The following DLGAP1 variants were observed in gnomAD, a reference collection of about 807,000 sequenced individuals.
DLGAP1 encodes DLG associated protein 1.
DLGAP1 carries 11 observed loss-of-function variants against 90.8 expected under a neutral mutation model. The ratio of observed to expected loss-of-function variants is 0.12; its 90% confidence interval spans 0.08 to 0.20. The LOEUF (loss-of-function observed/expected upper bound fraction) is 0.20, where lower values mean the gene tolerates loss of function less well. DLGAP1 is among the 10% of genes least tolerant of loss of function. The pLI is 1.00. For synonymous variants in DLGAP1, 558 were observed against 540.7 expected, an observed-to-expected ratio of 1.03 and a Z score of -0.44; for missense variants, 1,050 against 1,333.8, an observed-to-expected ratio of 0.79 and a Z score of 3.31.
chr18:3,623,019 G>C (rs1158701475), intron 7 of DLGAP1, among the ~76,000 whole-genome samples: 2 of 151,958 alleles, frequency 1.3e-5, no homozygotes, highest in African/African-American at 4.8e-5. Context: ...TGGCCAGGCT[G>C]GTCTTGAACT....
At chr18:4,363,704 A>T (rs1201140355) in intron 1 of DLGAP1, among the ~76,000 whole-genome samples, 1 of 152,202 alleles carries the variant, frequency 6.6e-6, no homozygotes, top group Admixed American at 6.5e-5. Flanking sequence ...AACCACAATG[A>T]GATACCATCT....
chr18:4,390,200 C>G (rs1315352284), intron 1 of DLGAP1, among the ~76,000 whole-genome samples: 3 of 149,688 alleles, frequency 2.0e-5, no homozygotes, highest in African/African-American at 7.3e-5. Flanking sequence ...CCCCTTTTTT[C>G]TTAATTAATA....
intron 10 of DLGAP1, among the ~76,000 whole-genome samples, chr18:3,523,218 A>G (rs1437389307): frequency 6.6e-6 from 1 of 151,822 alleles, no homozygotes; most frequent in Non-Finnish European, 1.5e-5. Context: ...ACTAAAAAAT[A>G]CAAAAAAATT....
chr18:3,954,232 A>C (rs11081078), intron 3 of DLGAP1, among the ~76,000 whole-genome samples: 24,678 of 152,142 alleles, frequency 0.16, 2,117 homozygotes, highest in Middle Eastern at 0.22. Context: ...TCTTCCTAAA[A>C]ACATATTATC....
chr18:4,101,725 AATTT>A (rs1218648953), intron 2 of DLGAP1, among the ~76,000 whole-genome samples: 7 of 152,022 alleles, frequency 4.6e-5, no homozygotes, highest in Non-Finnish European at 7.4e-5. Flanking sequence ...CATTGAAATT[AATTT>A]ATTTTTTAAC....
At chr18:3,797,383 A>G (rs767259797) in intron 5 of DLGAP1, among the ~76,000 whole-genome samples, 3 of 152,064 alleles carry the variant, frequency 2.0e-5, no homozygotes, top group Non-Finnish European at 4.4e-5. Context: ...TGCCACGTCA[A>G]GACAGTGAGG....
intron 1 of DLGAP1, among the ~76,000 whole-genome samples, chr18:4,171,358 AC>A (rs1374026960): frequency 1.3e-5 from 2 of 151,928 alleles, no homozygotes; most frequent in Non-Finnish European, 2.9e-5. Context: ...ACATGGTGAA[AC>A]CCCGTCTCTA....
At chr18:4,196,408 T>G (rs549760935) in intron 1 of DLGAP1, among the ~76,000 whole-genome samples, 14 of 152,356 alleles carry the variant, frequency 9.2e-5, no homozygotes, top group African/African-American at 2.9e-4. Flanking sequence ...GATTGCCATG[T>G]GGGTGTTATT....
intron 1 of DLGAP1, among the ~76,000 whole-genome samples, chr18:4,345,541 T>C (rs1445782021): frequency 6.6e-6 from 1 of 152,226 alleles, no homozygotes; most frequent in Non-Finnish European, 1.5e-5. Context: ...TGGTTTTACG[T>C]GGCAGAAACA....
chr18:4,138,293 ACTTTTTTGAAGGTTTT>A (rs2076439441), intron 2 of DLGAP1, among the ~76,000 whole-genome samples: 1 of 150,312 alleles, frequency 6.7e-6, no homozygotes, highest in African/African-American at 2.4e-5. Flanking sequence ...TTCTACACCC[ACTTTTTTGAAGGTTTT>A]TCTTTTTTAA....
chr18:3,824,661 T>C (rs909881428), intron 4 of DLGAP1, among the ~76,000 whole-genome samples: 1 of 152,218 alleles, frequency 6.6e-6, no homozygotes, highest in Non-Finnish European at 1.5e-5. Context: ...CTTACATATT[T>C]GACATTTATA....
In DLGAP1 at chr18:3,997,071, AT is replaced by A. The variant is rs869260389; in HGVS notation, c.-73+8044del. Among the ~76,000 whole-genome samples the A allele has an allele frequency of 1.4e-4, 6 of 43,288 alleles. 1 individual carries two copies. Among genetic ancestry groups the A allele is most frequent in the Admixed American group, 8.3e-4 (3 of 3,608 alleles). The allele number at this position is 43,288 out of a possible 152,430, so 28.4% of individuals were successfully genotyped here. Reference sequence around the variant, plus strand: ...ATATTTTAAAATAAGCTTTATTTAGATTTTTTTTTAATATTTTATATTTGCA... The same window carrying A: ...ATATTTTAAAATAAGCTTTATTTAGATTTTTTTTAATATTTTATATTTGCA... On this transcript the variant is annotated intron_variant, in intron 3 of 12. Coordinates refer to ENST00000315677, the MANE Select transcript of DLGAP1 (RefSeq NM_004746.4).
At chr18:4,127,483 C>T (rs1369349987) in intron 2 of DLGAP1, among the ~76,000 whole-genome samples, 2 of 152,038 alleles carry the variant, frequency 1.3e-5, no homozygotes, top group Admixed American at 6.6e-5. Context: ...CAGAAGAATA[C>T]ATCTGGAAGC....
At chr18:3,628,110 A>AAGTGGTCC (rs2058373433) in intron 7 of DLGAP1, among the ~76,000 whole-genome samples, 1 of 151,274 alleles carries the variant, frequency 6.6e-6, no homozygotes, top group Admixed American at 6.6e-5. Context: ...TCCTGACCTC[A>AAGTGGTCC]AGTGGTCCAC....
intron 1 of DLGAP1, among the ~76,000 whole-genome samples, chr18:4,182,860 T>G (rs2144672612): frequency 6.6e-6 from 1 of 152,292 alleles, no homozygotes; most frequent in Admixed American, 6.5e-5. Context: ...TTAATGAAGC[T>G]GTTGTCTGTC....
intron 1 of DLGAP1, among the ~76,000 whole-genome samples, chr18:4,328,937 A>G (rs1030749452): frequency 1.3e-5 from 2 of 152,018 alleles, no homozygotes; most frequent in African/African-American, 4.8e-5. Flanking sequence ...TACTAGATAT[A>G]AATTTCTTAT....
intron 10 of DLGAP1, among the ~76,000 whole-genome samples, chr18:3,519,140 A>G (rs2051018002): frequency 6.6e-6 from 1 of 152,160 alleles, no homozygotes; most frequent in East Asian, 1.9e-4. Flanking sequence ...CTTAAAGCAC[A>G]CTGGACATTC....
intron 3 of DLGAP1, among the ~76,000 whole-genome samples, chr18:3,935,515 A>G (rs2072615273): frequency 6.6e-6 from 1 of 152,192 alleles, no homozygotes; most frequent in South Asian, 2.1e-4. Flanking sequence ...TAATAGAAGT[A>G]TCAAGTTACT....
intron 6 of DLGAP1, among the ~76,000 whole-genome samples, chr18:3,738,660 A>T (rs1226320956): frequency 5.3e-5 from 8 of 151,666 alleles, no homozygotes; most frequent in African/African-American, 1.9e-4. Context: ...TAGACCTAAA[A>T]CCATAAAAAC....
Sources: gnomAD v4.1 joint callset for allele counts (sites outside exome capture counted in the v4.1 genomes callset) on GRCh38, gnomAD v4.1.1 for gene constraint, MANE v1.5 for transcripts, NCBI Gene and HGNC (gene_info 2026-07-23, HGNC 2026-07-21) for gene names.